Variants in DKK3 observed in about 807,000 individuals in gnomAD.
The protein encoded by DKK3 is dickkopf-related protein 3.
DKK3 carries 22 observed loss-of-function variants against 33.2 expected under a neutral mutation model. That is an observed-to-expected ratio of 0.66 (90% CI 0.47 to 0.95). The LOEUF is 0.95. Among genes scored for constraint, DKK3 ranks in the 40% least tolerant of loss-of-function variants. The probability of loss-of-function intolerance (pLI) is 0.00; values close to 1 mark genes in which losing one functional copy is unlikely to be tolerated. For missense variants in DKK3, 398 were observed against 458.4 expected (o/e 0.87, Z 1.20); for synonymous variants, 194 against 188.8 (o/e 1.03, Z -0.23).
chr11:11,998,850 G>T, intron 2 of DKK3, 71 bp from the exon 3 acceptor site: 1 of 1,459,206 alleles, frequency 6.9e-7, no homozygotes, highest in African/African-American at 1.4e-5. Flanking sequence ...TTGTTTTTGT[G>T]TTTTGTTTTC....
chr11:11,966,634 G>A (rs762402925), intron 5 of DKK3, among the ~76,000 whole-genome samples: 2 of 152,112 alleles, frequency 1.3e-5, no homozygotes, highest in African/African-American at 2.4e-5. Context: ...GAGTGGAAGC[G>A]GGTGATTCAC....
At chr11:12,007,312 G>A (rs1403131746) in intron 1 of DKK3, among the ~76,000 whole-genome samples, 1 of 152,192 alleles carries the variant, frequency 6.6e-6, no homozygotes, top group Admixed American at 6.5e-5. Context: ...AACCAGCCTG[G>A]ACATTGGTTT....
intron 2 of DKK3, among the ~76,000 whole-genome samples, chr11:12,001,288 C>T (rs2133328876): frequency 6.6e-6 from 1 of 152,328 alleles, no homozygotes; most frequent in Non-Finnish European, 1.5e-5. Context: ...CTCATACACT[C>T]TGTAGCTGAT....
intron 3 of DKK3, among the ~76,000 whole-genome samples, chr11:11,997,260 C>T (rs758675579): frequency 1.0e-3 from 153 of 152,058 alleles, no homozygotes; most frequent in Non-Finnish European, 1.5e-3. Flanking sequence ...AGGCTTTTTT[C>T]CTAATTCACA....
intron 2 of DKK3, among the ~76,000 whole-genome samples, chr11:11,999,198 T>G (rs1234506638): frequency 6.6e-6 from 1 of 152,196 alleles, no homozygotes; most frequent in Non-Finnish European, 1.5e-5. Context: ...CAAGCAGGTT[T>G]TAGCTCTAGC....
At chr11:12,009,703 G>A, upstream of DKK3, 1 of 985,686 alleles carries the variant, frequency 1.0e-6, no homozygotes, top group Non-Finnish European at 1.2e-6. Flanking sequence ...CCCCAGCCTG[G>A]CATTCAAGCC....
intron 3 of DKK3, among the ~76,000 whole-genome samples, chr11:11,986,810 A>G (rs72857676): frequency 0.23 from 34,636 of 152,174 alleles, 4,459 homozygotes; most frequent in East Asian, 0.45. Flanking sequence ...AAATAATATT[A>G]TATCTACTTC....
chr11:12,008,774 C>A, upstream of DKK3: 1 of 1,189,512 alleles, frequency 8.4e-7, no homozygotes, highest in Non-Finnish European at 1.0e-6. The surrounding 1 kb of genome is among the most constrained non-coding windows in gnomAD (Gnocchi z 4.6). Flanking sequence ...CCCCTACACC[C>A]GAAAAGACGC....
At chr11:11,977,983 C>A (rs956629148) in intron 3 of DKK3, among the ~76,000 whole-genome samples, 2 of 152,164 alleles carry the variant, frequency 1.3e-5, no homozygotes, top group African/African-American at 4.8e-5. Context: ...GGATGCCCAG[C>A]CATAGTTGAA....
chr11:11,965,788 G>A lies in DKK3; in HGVS notation c.830+21C>T, dbSNP rs770086823. 8.1e-6 allele frequency: 13 copies of A among 1,611,788 alleles called. No individual in the cohort carries two copies. The Middle Eastern group carries it at 6.8e-4, about 85-fold the overall frequency. On this transcript the variant is annotated intron_variant, in intron 6 of 6. Transcript: ENST00000683431. ...CTCCTCAGCCCTTGGCTCCCTGAGA[G>A]TGAGGGTTAGGGGGCCTCACCTGTG...
At chr11:11,978,514 CTTT>C (rs984443117) in intron 3 of DKK3, among the ~76,000 whole-genome samples, 2 of 138,750 alleles carry the variant, frequency 1.4e-5, no homozygotes, top group African/African-American at 2.8e-5. Flanking sequence ...CTTCTTTCTT[CTTT>C]TTTTTATCGT....
chr11:11,993,121 A>G (rs987663), intron 3 of DKK3, among the ~76,000 whole-genome samples: 43,362 of 152,078 alleles, frequency 0.29, 6,443 homozygotes, highest in Non-Finnish European at 0.32. Context: ...TCTAGCATTT[A>G]CACTGAAAGT....
rs775567196 is a variant in DKK3 at position 11,965,837 on chromosome 11, C to A, written c.802G>T (p.Ala268Ser). ...TGGGGCTGGCAGAGGAGGCCACTGG[C>A]ACAAGGGCATCGGTCCAAGGCTCCA... ...PDGALDRCPC[A>S]SGLLCQPHSH... The change falls in exon 6 of 7, where the codon GCC becomes TCC. Residue 268 changes from alanine to serine, a missense_variant. By Grantham distance (99) the Ala-to-Ser change is moderately conservative. Coordinates refer to ENST00000683431, the MANE Select transcript of DKK3 (RefSeq NM_001018057.2). The A allele has an allele frequency of 6.2e-7, 1 of 1,614,124 alleles. No individual in the cohort carries two copies. The highest frequency in any genetic ancestry group is 1.3e-5 in the African/African-American group (1 of 75,060).
At position 12,002,344 on chromosome 11, in the gene DKK3, T is replaced by C. The variant is rs1367485706; in HGVS notation, c.307A>G (p.Lys103Glu). Residue 103 changes from lysine (K) to glutamate (E), a missense_variant, in exon 2 of 7, where the codon AAG becomes GAG. By Grantham distance (56) the Lys-to-Glu change is moderately conservative. Transcript: ENST00000683431. ...SYHNETNTDT[K>E]VGNNTIHVHR... ...ACATGGATGGTATTATTTCCAACCT[T>C]CGTGTCTGTGTTGGTCTCATTGTGA... 1 of 1,614,176 alleles carries C rather than the reference T, an allele frequency of 6.2e-7. No homozygotes were observed. The highest frequency in any genetic ancestry group is 2.2e-5 in the East Asian group (1 of 44,880).
chr11:12,009,290 G>A (rs1410398369), upstream of DKK3: 35 of 983,700 alleles, frequency 3.6e-5, no homozygotes, highest in Middle Eastern at 5.2e-4. Flanking sequence ...GGGTGCGGGA[G>A]CGCGGCGGGG....
In DKK3 at chr11:11,963,317, G is replaced by A. The variant is rs1304712883; in HGVS notation, c.*1147C>T. Reference sequence around the variant, plus strand: ...GTTCGCAGTCGCATATTACAACCATGTTTCACACAGCCCTGCTCGGTTTGA... The same window carrying A: ...GTTCGCAGTCGCATATTACAACCATATTTCACACAGCCCTGCTCGGTTTGA... On this transcript the variant is annotated 3_prime_UTR_variant, in exon 7 of 7. Transcript: ENST00000683431. 3 of 152,502 alleles carry A rather than the reference G, an allele frequency of 2.0e-5. No homozygotes were observed. Among genetic ancestry groups the A allele is most frequent in the Non-Finnish European group, 4.4e-5 (3 of 68,050 alleles). The allele number at this position is 152,502 out of a possible 1,614,324, so 9.4% of individuals were successfully genotyped here.
At chr11:11,993,682 T>A (rs567547042) in intron 3 of DKK3, among the ~76,000 whole-genome samples, 1 of 152,224 alleles carries the variant, frequency 6.6e-6, no homozygotes, top group Non-Finnish European at 1.5e-5. Flanking sequence ...ATAATGCAAG[T>A]GGGCCTTATA....
chr11:11,967,063 C>G lies in DKK3; in HGVS notation c.564G>C (p.Gln188His). The G allele has an allele frequency of 1.2e-6, 2 of 1,613,942 alleles. No homozygotes were observed. Among genetic ancestry groups the G allele is most frequent in the South Asian group, 1.1e-5 (1 of 91,074 alleles). The change falls in exon 5 of 7, where the codon CAG becomes CAC. Residue 188 changes from glutamine to histidine, a missense_variant. Coordinates refer to ENST00000683431, the MANE Select transcript of DKK3 (RefSeq NM_001018057.2). ...CTRDSECCGDQLCVWGHCTKM... is the reference protein window; with the variant it reads ...CTRDSECCGDHLCVWGHCTKM... The stretch of plus-strand genomic sequence containing the variant: ...TGGTGCAGTGACCCCAGACACACAG[C>G]TGGTCTCCACAGCACTCACTGTCCC...
rs1461576676 is a variant in DKK3 at position 11,963,523 on chromosome 11, T to A, written c.*941A>T. The A allele has an allele frequency of 6.6e-6, 1 of 152,242 alleles. No individual in the cohort carries two copies. The highest frequency in any genetic ancestry group is 1.9e-4 in the East Asian group (1 of 5,206). 9.4% of individuals were successfully genotyped at this position (152,242 alleles called of 1,614,324 possible). ...CTGCCAAAGAGGGACAGTGTCAATA[T>A]CATTGTCTTCATTAGAAGGACGGCT... On this transcript the variant is annotated 3_prime_UTR_variant, in exon 7 of 7. Coordinates refer to ENST00000683431, the MANE Select transcript of DKK3 (RefSeq NM_001018057.2).
Sources: allele counts gnomAD v4.1 joint callset (sites outside exome capture counted in the v4.1 genomes callset), GRCh38; gene constraint gnomAD v4.1.1; non-coding constraint Gnocchi (gnomAD v3.1); transcripts MANE v1.5; gene names NCBI Gene and HGNC (gene_info 2026-07-23, HGNC 2026-07-21).